The following ZNF469 variants were observed in gnomAD, a reference collection of about 807,000 sequenced individuals.
ZNF469 encodes zinc finger protein 469.
In ZNF469, 1 loss-of-function variant was observed where a neutral mutation model predicts 1.0. That is an observed-to-expected ratio of 1.00 (90% CI 0.35 to 4.73). The LOEUF (loss-of-function observed/expected upper bound fraction) is 4.73. ZNF469 is among the 30% of genes most tolerant of loss of function. The pLI is 0.16. For synonymous variants in ZNF469, 2,703 were observed against 2,363.4 expected (o/e 1.14, Z -4.17); for missense variants, 6,100 against 5,356.3 (o/e 1.14, Z -4.33).
At chr16:88,221,642 A>G in the ZNF469 span, among the ~76,000 whole-genome samples, 17 of 152,332 alleles carry the variant, frequency 1.1e-4, no homozygotes, top group African/African-American at 3.6e-4. Context: ...AGCCCCCGTC[A>G]TGCATCCCCA....
chr16:88,357,959 A>G, the ZNF469 span, among the ~76,000 whole-genome samples: 1 of 152,320 alleles, frequency 6.6e-6, no homozygotes, highest in East Asian at 1.9e-4. Flanking sequence ...GATGCCTGGG[A>G]TGGCATTTGG....
chr16:88,242,540 T>C, the ZNF469 span, among the ~76,000 whole-genome samples: 2 of 152,212 alleles, frequency 1.3e-5, no homozygotes, highest in African/African-American at 4.8e-5. Context: ...GAGTCACCTC[T>C]CTAAGCCTGT....
chr16:88,325,363 G>A, the ZNF469 span, among the ~76,000 whole-genome samples: 1 of 152,226 alleles, frequency 6.6e-6, no homozygotes, highest in African/African-American at 2.4e-5. Flanking sequence ...CCAGCTTCTG[G>A]GGCAACCATC....
In ZNF469 at chr16:88,430,238, GGCCCAAAAC is replaced by G. The variant is rs1906044816; in HGVS notation, c.2771_2779del (p.Pro924_Thr926del). On this transcript the variant is annotated inframe_deletion, in exon 3 of 3. Coordinates refer to ENST00000565624, the MANE Select transcript of ZNF469 (RefSeq NM_001367624.2). ...GACAGGGGCTGCCCAGCCCGAGGCA[GGCCCAAAAC>G]GCGTTCCCTGGGTCTGGCCCCCACC... 6.5e-7 allele frequency: 1 copy of G among 1,531,042 alleles called. No homozygotes were observed. The allele number at this position is 1,531,042 out of a possible 1,614,324, so 94.8% of individuals were successfully genotyped here. A position where few individuals can be genotyped will look rare whatever the true frequency, so the allele number is the denominator to read the frequency against.
intron 1 of ZNF469, among the ~76,000 whole-genome samples, chr16:88,392,551 C>G (rs1211515655): frequency 6.6e-6 from 1 of 152,262 alleles, no homozygotes; most frequent in Non-Finnish European, 1.5e-5. Flanking sequence ...CACACATTCC[C>G]AGCTGAGTGG....
At chr16:88,405,264 C>G (rs1221706067) in intron 1 of ZNF469, among the ~76,000 whole-genome samples, 3 of 149,232 alleles carry the variant, frequency 2.0e-5, no homozygotes, top group Non-Finnish European at 3.0e-5. Flanking sequence ...TGGCCTCATA[C>G]AGGACGAGGC....
chr16:88,227,112 G>A, the ZNF469 span, among the ~76,000 whole-genome samples: 7 of 117,100 alleles, frequency 6.0e-5, 1 homozygote, highest in African/African-American at 2.2e-4. Context: ...GTTTCCACCC[G>A]TCCCTCCTCC....
At chr16:88,164,366 A>C in the ZNF469 span, among the ~76,000 whole-genome samples, 1 of 151,970 alleles carries the variant, frequency 6.6e-6, no homozygotes, top group East Asian at 1.9e-4. Context: ...AAGTGGATGA[A>C]TGGATGGGTG....
chr16:88,344,509 G>T, the ZNF469 span, among the ~76,000 whole-genome samples: 26,214 of 152,240 alleles, frequency 0.17, 2,649 homozygotes, highest in Non-Finnish European at 0.24. Flanking sequence ...TGAGGCAGGT[G>T]CTCTGCAGAG....
chr16:88,293,532 A>G, the ZNF469 span, among the ~76,000 whole-genome samples: 1 of 152,108 alleles, frequency 6.6e-6, no homozygotes, highest in Non-Finnish European at 1.5e-5. Flanking sequence ...GGGTGGACTT[A>G]TTTACTAAAT....
chr16:88,401,570 GAT>G (rs1904861324), intron 1 of ZNF469, among the ~76,000 whole-genome samples: 1 of 147,776 alleles, frequency 6.8e-6, no homozygotes, highest in Non-Finnish European at 1.5e-5. Context: ...TGGATGGATG[GAT>G]ACATGGGTGG....
chr16:88,104,758 G>A, the ZNF469 span, among the ~76,000 whole-genome samples: 3 of 152,186 alleles, frequency 2.0e-5, no homozygotes, highest in East Asian at 1.9e-4. Context: ...CTGTGATCCC[G>A]TTTTCTGCCT....
the ZNF469 span, among the ~76,000 whole-genome samples, chr16:88,284,799 G>A: frequency 6.6e-6 from 1 of 152,230 alleles, no homozygotes; most frequent in African/African-American, 2.4e-5. Flanking sequence ...GGGCCTTGGT[G>A]AGGAGTGAGA....
chr16:88,227,660 C>T, the ZNF469 span, among the ~76,000 whole-genome samples: 3 of 151,902 alleles, frequency 2.0e-5, no homozygotes, highest in Non-Finnish European at 4.4e-5. Context: ...AGGGTGCCTG[C>T]CTTGATGCGT....
the ZNF469 span, among the ~76,000 whole-genome samples, chr16:88,200,088 G>T: frequency 6.6e-6 from 1 of 151,826 alleles, no homozygotes; most frequent in African/African-American, 2.4e-5. Context: ...TGCCCCGGGG[G>T]GAGGATGACA....
chr16:88,437,658 G>A lies in ZNF469; in HGVS notation c.10188G>A (p.Leu3396=), dbSNP rs1906690269. ...ACGGGCTGCTGGAGCGGCCGGAGCTGCAGCACACGCCGCTGTATGCCTGCG... is the reference window on the plus strand; with the variant it reads ...ACGGGCTGCTGGAGCGGCCGGAGCTACAGCACACGCCGCTGTATGCCTGCG... ...GAHGLLERPE[L]QHTPLYACEL... is the part of the protein sequence containing the mutation. The change falls in exon 3 of 3, where the codon CTG becomes CTA. Residue 3396 remains leucine, a synonymous_variant. Transcript: ENST00000565624. 4 of 1,546,668 alleles carry A rather than the reference G, an allele frequency of 2.6e-6. No homozygotes were observed. In the South Asian group the frequency reaches 4.8e-5, roughly 18 times the overall value.
rs1906338439 is a variant in ZNF469 at position 88,433,376 on chromosome 16, C to T, written c.5906C>T (p.Ala1969Val). Residue 1969 changes from alanine (A) to valine (V), a missense_variant, in exon 3 of 3, where the codon GCA (alanine) becomes GTA (valine). Physicochemically the swap from Ala to Val is moderately conservative, Grantham distance 64 (BLOSUM62 0). Coordinates refer to ENST00000565624, the MANE Select transcript of ZNF469 (RefSeq NM_001367624.2). Reference sequence around the variant, plus strand: ...GGTGTGCAGGTGACAACTCTCCCTGCAGTGGCCGGACATCAGCTGGGGCTG... The same window carrying T: ...GGTGTGCAGGTGACAACTCTCCCTGTAGTGGCCGGACATCAGCTGGGGCTG... ...PGGVQVTTLP[A>V]VAGHQLGLEA... 20 of 1,550,216 alleles carry T rather than the reference C, an allele frequency of 1.3e-5. No individual in the cohort carries two copies. Among genetic ancestry groups the T allele is most frequent in the Non-Finnish European group, 1.7e-5 (19 of 1,146,960 alleles).
the ZNF469 span, among the ~76,000 whole-genome samples, chr16:88,101,862 C>T: frequency 2.0e-5 from 3 of 152,300 alleles, no homozygotes; most frequent in African/African-American, 7.2e-5. Flanking sequence ...TTAGAAGGTT[C>T]CTCCATGACG....
At chr16:88,160,347 C>G in the ZNF469 span, among the ~76,000 whole-genome samples, 1 of 152,198 alleles carries the variant, frequency 6.6e-6, no homozygotes. Context: ...CCATTGACAG[C>G]AAGAGATGCC....
Sources: allele counts gnomAD v4.1 joint callset (sites outside exome capture counted in the v4.1 genomes callset), GRCh38; gene constraint gnomAD v4.1.1; transcripts MANE v1.5; gene names NCBI Gene and HGNC (gene_info 2026-07-23, HGNC 2026-07-21).